Variants in RTL1 observed in about 807,000 individuals in gnomAD.
RTL1 encodes the protein retrotransposon-like protein 1.
For synonymous variants in RTL1, 727 were observed against 748.4 expected, an observed-to-expected ratio of 0.97 and a Z score of 0.47; for missense variants, 1,681 against 1,767.5, an observed-to-expected ratio of 0.95 and a Z score of 0.88.
chr14:100,900,239 C>A (rs1044612305), intron 2 of RTL1, among the ~76,000 whole-genome samples: 1 of 152,228 alleles, frequency 6.6e-6, no homozygotes, highest in African/African-American at 2.4e-5. Flanking sequence ...AACTTCTGGC[C>A]AAACCTGACT....
chr14:100,883,625 C>G lies in RTL1; in HGVS notation c.1164G>C (p.Glu388Asp). Residue 388 changes from glutamate (E) to aspartate (D), a missense_variant, in exon 4 of 4, where the codon GAG becomes GAC. By Grantham distance (45) the Glu-to-Asp change is conservative. Coordinates refer to ENST00000649591, the MANE Select transcript of RTL1 (RefSeq NM_001134888.3). This position sits in a 1 kb window ranked among gnomAD's most constrained non-coding sequence, Gnocchi z 5.9. ...NLTWIDSPAP[E>D]RWMVSSWLPS... ...GCAACCAGCTGCTGACCATCCACCT[C>G]TCTGGAGCAGGTGAGTCGATCCAGG... The G allele has an allele frequency of 6.4e-7, 1 of 1,551,346 alleles. No individual in the cohort carries two copies. Among genetic ancestry groups the G allele is most frequent in the Non-Finnish European group, 8.7e-7 (1 of 1,146,956 alleles).
rs1158841422 is a variant in RTL1 at position 100,883,964 on chromosome 14, G to A, written c.825C>T (p.Ser275=). 1.8e-5 allele frequency: 28 copies of A among 1,551,510 alleles called. No individual in the cohort carries two copies. Among genetic ancestry groups the A allele is most frequent in the Admixed American group, 7.8e-5 (4 of 50,986 alleles). Residue 275 remains serine (S), a synonymous_variant, in exon 4 of 4, where the codon TCC becomes TCT. Coordinates refer to ENST00000649591, the MANE Select transcript of RTL1 (RefSeq NM_001134888.3). This position sits in a 1 kb window ranked among gnomAD's most constrained non-coding sequence, Gnocchi z 5.9. ...GTGCCTGGCGGTACTCAAACACTTC[G>A]GACATGGCCTCCAGGAAGGCTGGGA... ...GDFPAFLEAM[S]EVFEYRQALR...
intron 3 of RTL1, among the ~76,000 whole-genome samples, chr14:100,890,708 T>A (rs79907529): frequency 0.052 from 7,911 of 152,048 alleles, 574 homozygotes; most frequent in Admixed American, 0.2. Flanking sequence ...CTGTCCATCT[T>A]GGCCTCCTTG....
intron 2 of RTL1, among the ~76,000 whole-genome samples, chr14:100,895,647 T>TC (rs2140053400): frequency 6.6e-6 from 1 of 152,256 alleles, no homozygotes; most frequent in South Asian, 2.1e-4. Context: ...CAATGGCATA[T>TC]CTTTCATTGG....
rs56964729 is a variant in RTL1, at chr14:100,879,811, G to C, written c.*901C>G. Among the ~76,000 whole-genome samples the C allele has an allele frequency of 1.0e-3, 154 of 151,552 alleles. No homozygotes were observed. The highest frequency in any genetic ancestry group is 3.7e-3 in the African/African-American group (151 of 41,310). Reference sequence around the variant, plus strand: ...AAGATTGGGGGGTGAGAAAGCTCGGGGGGTGGGGAAGGGTCTACTCCCCTT... The same window carrying C: ...AAGATTGGGGGGTGAGAAAGCTCGGCGGGTGGGGAAGGGTCTACTCCCCTT... On this transcript the variant is annotated 3_prime_UTR_variant, in exon 4 of 4. Transcript: ENST00000649591.
chr14:100,892,759 A>G (rs1194717337), intron 3 of RTL1, among the ~76,000 whole-genome samples: 1 of 152,034 alleles, frequency 6.6e-6, no homozygotes, highest in Admixed American at 6.5e-5. Context: ...CGGAAGACGG[A>G]ATGTGACCCA....
intron 2 of RTL1, among the ~76,000 whole-genome samples, chr14:100,901,009 T>A (rs2038934112): frequency 6.6e-6 from 1 of 152,090 alleles, no homozygotes; most frequent in Non-Finnish European, 1.5e-5. Flanking sequence ...CGTCTGTCTG[T>A]CTGTTAGCCA....
chr14:100,899,711 TA>T (rs10660256), intron 2 of RTL1, among the ~76,000 whole-genome samples: 36 of 142,790 alleles, frequency 2.5e-4, no homozygotes, highest in Non-Finnish European at 3.5e-4. Context: ...TTCCTGATAT[TA>T]AAAAAAAAAA....
Position 100,883,168 on chromosome 14 carries a change from A to T in RTL1, c.1621T>A (p.Cys541Ser). The change falls in exon 4 of 4, where the codon TGC becomes AGC. Residue 541 changes from cysteine (C) to serine (S), a missense_variant. Coordinates refer to ENST00000649591, the MANE Select transcript of RTL1 (RefSeq NM_001134888.3). This position sits in a 1 kb window ranked among gnomAD's most constrained non-coding sequence, Gnocchi z 5.9. ...LKNCFRPPPP[C>S]IALERHGMSL... Reference sequence around the variant, plus strand: ...ATGCCGTGCCTCTCTAGGGCAATGCATGGCGGGGGCGGGCGGAAGCAGTTC... The same window carrying T: ...ATGCCGTGCCTCTCTAGGGCAATGCTTGGCGGGGGCGGGCGGAAGCAGTTC... 5.0e-6 allele frequency: 8 copies of T among 1,593,446 alleles called. No homozygotes were observed. The highest frequency in any genetic ancestry group is 6.9e-6 in the Non-Finnish European group (8 of 1,167,608).
Position 100,884,690 on chromosome 14 carries a change from G to C in RTL1, c.99C>G (p.Thr33=), listed in dbSNP as rs199723831. The change falls in exon 4 of 4, where the codon ACC becomes ACG. Residue 33 remains threonine (T), a synonymous_variant. Coordinates refer to ENST00000649591, the MANE Select transcript of RTL1 (RefSeq NM_001134888.3). ...GCACTCCACTGCCCGACGTCGCCTC[G>C]GTGGTGTTGGATGAGCCCTCGGAGG... The part of the protein sequence containing the change: ...MESSEGSSNT[T]EATSGSGVRG... 1 of 1,613,602 alleles carries C rather than the reference G, an allele frequency of 6.2e-7. No homozygotes were observed. The highest frequency in any genetic ancestry group is 1.3e-5 in the African/African-American group (1 of 74,934).
intron 3 of RTL1, among the ~76,000 whole-genome samples, chr14:100,890,943 G>A (rs867577676): frequency 3.3e-5 from 5 of 152,136 alleles, no homozygotes; most frequent in Admixed American, 6.5e-5. Flanking sequence ...TGTTGAACTC[G>A]TGTCAAGGTT....
In RTL1 at chr14:100,896,197, C is replaced by T. The variant is rs113421933; in HGVS notation, c.-148-2692G>A. On this transcript the variant is annotated intron_variant, in intron 2 of 3. Coordinates refer to ENST00000649591, the MANE Select transcript of RTL1 (RefSeq NM_001134888.3). ...AGTGGGGCTTCACGTGCAGGAAAGGCGATTAAGAGCGAGGCATGCAGGCCG... is the reference window on the plus strand; with the variant it reads ...AGTGGGGCTTCACGTGCAGGAAAGGTGATTAAGAGCGAGGCATGCAGGCCG... Among the ~76,000 whole-genome samples, 1,036 of 152,182 alleles carry T rather than the reference C, an allele frequency of 6.8e-3. 19 individuals are homozygous for T. The highest frequency in any genetic ancestry group is 0.024 in the African/African-American group (997 of 41,524).
In RTL1 at chr14:100,882,969, A is replaced by G; in HGVS notation, c.1820T>C (p.Phe607Ser). The G allele has an allele frequency of 1.2e-6, 2 of 1,614,034 alleles. No homozygotes were observed. The highest frequency in any genetic ancestry group is 1.7e-6 in the Non-Finnish European group (2 of 1,180,008). The change falls in exon 4 of 4, where the codon TTT becomes TCT. Residue 607 changes from phenylalanine to serine, a missense_variant. Coordinates refer to ENST00000649591, the MANE Select transcript of RTL1 (RefSeq NM_001134888.3). ...AGGCGCGGTGGAGGGACACTCGTAA[A>G]AGGTCTCGCTGTGATCACTGTCTCC... ...QAGDSDHSETFYECPSTAPWE... is the reference protein window; with the variant it reads ...QAGDSDHSETSYECPSTAPWE...
intron 2 of RTL1, among the ~76,000 whole-genome samples, chr14:100,902,602 C>T (rs1274993843): frequency 1.4e-5 from 2 of 145,526 alleles, no homozygotes; most frequent in Non-Finnish European, 3.1e-5. Context: ...CTGGTCAGCC[C>T]TGCAGTAGCA....
rs190892369 is a variant in RTL1, at chr14:100,897,629, A to G, written c.-148-4124T>C. 2.5e-3 allele frequency: 392 copies of G among 155,348 alleles called. 13 individuals carry two copies. Among genetic ancestry groups the G allele is most frequent in the Admixed American group, 0.024 (371 of 15,632 alleles). The allele number at this position is 155,348 out of a possible 1,614,324, so 9.6% of individuals were successfully genotyped here. On this transcript the variant is annotated intron_variant, in intron 2 of 3. Transcript: ENST00000649591. ...TCTTCCTTCAAGAGTCTGCTTAGAG[A>G]TAATAAAGATCAACACTATTCCTTA...
In RTL1 at chr14:100,882,201, G is replaced by C; in HGVS notation, c.2588C>G (p.Ala863Gly). 1 of 1,550,542 alleles carries C rather than the reference G, an allele frequency of 6.4e-7. No homozygotes were observed. The highest frequency in any genetic ancestry group is 8.7e-7 in the Non-Finnish European group (1 of 1,146,990). Reference sequence around the variant, plus strand: ...GGGCTTGGGGTGGTGGAGGAGAGGCGCCTTGCGGAAAGCCCTCTTCAGGCA... The same window carrying C: ...GGGCTTGGGGTGGTGGAGGAGAGGCCCCTTGCGGAAAGCCCTCTTCAGGCA... ...FECLKRAFRK[A>G]PLLHHPKPQN... The change falls in exon 4 of 4, where the codon GCG becomes GGG. Residue 863 changes from alanine (A) to glycine (G), a missense_variant. By Grantham distance (60) the Ala-to-Gly change is moderately conservative. Coordinates refer to ENST00000649591, the MANE Select transcript of RTL1 (RefSeq NM_001134888.3).
chr14:100,880,052 G>T lies in RTL1; in HGVS notation c.*660C>A, dbSNP rs2038584531. Among the ~76,000 whole-genome samples the T allele has an allele frequency of 1.3e-5, 2 of 151,090 alleles. No homozygotes were observed. Among genetic ancestry groups the T allele is most frequent in the Admixed American group, 1.3e-4 (2 of 15,178 alleles). ...CACTGGTACGTCCGGATGCCCCAAA[G>T]AGCGGCTTTGTCCAGGTAAGTCCAG... is the stretch of plus-strand genomic sequence containing the variant. On this transcript the variant is annotated 3_prime_UTR_variant, in exon 4 of 4. Transcript: ENST00000649591.
rs912941400 is a variant in RTL1, at chr14:100,893,899, C to T, written c.-148-394G>A. On this transcript the variant is annotated intron_variant, in intron 2 of 3. Coordinates refer to ENST00000649591, the MANE Select transcript of RTL1 (RefSeq NM_001134888.3). The surrounding 1 kb of genome is among the most constrained non-coding windows in gnomAD (Gnocchi z 4.2). ...GGGCAAGGACTAAGTCCAGCCAGAG[C>T]GTCAGCCTCGCTGGCGTCCTCACTG... Among the ~76,000 whole-genome samples, 1 of 152,228 alleles carries T rather than the reference C, an allele frequency of 6.6e-6. No individual in the cohort carries two copies. Among genetic ancestry groups the T allele is most frequent in the South Asian group, 2.1e-4 (1 of 4,834 alleles).
Position 100,884,215 on chromosome 14 carries a change from T to C in RTL1, c.574A>G (p.Ile192Val). 1 of 1,551,758 alleles carries C rather than the reference T, an allele frequency of 6.4e-7. No individual in the cohort carries two copies. Among genetic ancestry groups the C allele is most frequent in the Non-Finnish European group, 8.7e-7 (1 of 1,146,984 alleles). Residue 192 changes from isoleucine (I) to valine (V), a missense_variant, in exon 4 of 4, where the codon ATC becomes GTC. Ile to Val is a conservative substitution (Grantham distance 29, BLOSUM62 3). Transcript: ENST00000649591. ...EQQRVAEEIL[I>V]KGINAGQLPA... ...AGTTGGCCTGCATTGATCCCTTTGA[T>C]CAAGATCTCTTCTGCTACTCTCTGT...
Sources: gnomAD v4.1 joint callset for allele counts (sites outside exome capture counted in the v4.1 genomes callset) on GRCh38, gnomAD v4.1.1 for gene constraint, Gnocchi (gnomAD v3.1) non-coding constraint, MANE v1.5 for transcripts, NCBI Gene and HGNC (gene_info 2026-07-23, HGNC 2026-07-21) for gene names.